Variants in RARB observed in about 807,000 individuals in gnomAD.
RARB encodes HBV-activated protein.
In RARB, 17 loss-of-function variants were observed where a neutral mutation model predicts 51.9. The ratio of observed to expected loss-of-function variants is 0.33; its 90% confidence interval spans 0.22 to 0.49. The LOEUF (loss-of-function observed/expected upper bound fraction) is 0.49, where lower values mean the gene tolerates loss of function less well. Among genes scored for constraint, RARB ranks in the 20% least tolerant of loss-of-function variants. The probability of loss-of-function intolerance (pLI) is 0.99; values close to 1 mark genes in which losing one functional copy is unlikely to be tolerated. For synonymous variants in RARB, 215 were observed against 195.4 expected (o/e 1.10, Z -0.84); for missense variants, 369 against 550.8 (o/e 0.67, Z 3.30).
chr3:24,868,251 T>C (rs1702886180), intron 2 of RARB, among the ~76,000 whole-genome samples: 2 of 152,138 alleles, frequency 1.3e-5, no homozygotes. Context: ...ATCTAGGTTT[T>C]AGAGATCAAA....
intron 2 of RARB, among the ~76,000 whole-genome samples, chr3:24,958,267 T>TTTTTG (rs1696064620): frequency 8.2e-6 from 1 of 121,626 alleles, no homozygotes. Flanking sequence ...TTTTTTTTTT[T>TTTTTG]TTTTTTTTTT....
chr3:24,938,981 T>G (rs1361320026), intron 2 of RARB, among the ~76,000 whole-genome samples: 1 of 148,436 alleles, frequency 6.7e-6, no homozygotes, highest in South Asian at 2.1e-4. Context: ...CATTTAGTTT[T>G]TTGTTGTTGT....
At chr3:25,492,289 C>T (rs986576104) in intron 2 of RARB, among the ~76,000 whole-genome samples, 7 of 152,204 alleles carry the variant, frequency 4.6e-5, no homozygotes, top group African/African-American at 1.7e-4. Context: ...GATATATTTT[C>T]ACCTAAATTA....
At chr3:24,836,149 T>A (rs1258551312) in intron 1 of RARB, among the ~76,000 whole-genome samples, 1 of 152,050 alleles carries the variant, frequency 6.6e-6, no homozygotes, top group African/African-American at 2.4e-5. Context: ...AGAAGAGAAA[T>A]AAGATAGCAT....
chr3:24,893,799 A>T (rs1008847068), intron 2 of RARB, among the ~76,000 whole-genome samples: 19 of 152,122 alleles, frequency 1.2e-4, no homozygotes, highest in African/African-American at 4.6e-4. Context: ...TACTGGGATT[A>T]CAGGCGTGAG....
chr3:24,861,738 G>T (rs7651101), intron 2 of RARB, among the ~76,000 whole-genome samples: 8 of 151,996 alleles, frequency 5.3e-5, no homozygotes, highest in African/African-American at 1.9e-4. Context: ...CATTCAAGCT[G>T]CAGTGATATC....
At chr3:25,420,724 G>C (rs933179557) in intron 5 of RARB, among the ~76,000 whole-genome samples, 1 of 152,084 alleles carries the variant, frequency 6.6e-6, no homozygotes, top group African/African-American at 2.4e-5. Context: ...TGAATGGATG[G>C]GTGGATAGGT....
At chr3:25,081,451 C>A (rs1241094805) in intron 3 of RARB, among the ~76,000 whole-genome samples, 1 of 149,894 alleles carries the variant, frequency 6.7e-6, no homozygotes, top group African/African-American at 2.4e-5. Flanking sequence ...TAGTGCTGTT[C>A]AAATATTCTA....
At position 24,840,876 on chromosome 3, in the gene RARB, T is replaced by A. The variant is rs1238655137; in HGVS notation, c.-459+11473T>A. On this transcript the variant is annotated intron_variant, in intron 1 of 11. Coordinates refer to the RARB transcript ENST00000383772. ...TCTATCCTTTTCCAGATATACTAGA[T>A]GTAGGGGCTAAAAACAAAAGAAACA... Among the ~76,000 whole-genome samples the A allele has an allele frequency of 2.0e-5, 3 of 150,540 alleles. No individual in the cohort carries two copies. The Admixed American group carries it at 2.0e-4, about 10-fold the overall frequency.
At chr3:25,455,249 G>T (rs1470966020) in intron 1 of RARB, among the ~76,000 whole-genome samples, 1 of 152,118 alleles carries the variant, frequency 6.6e-6, no homozygotes, top group Non-Finnish European at 1.5e-5. Flanking sequence ...TTGTGCTTTG[G>T]ACGTCGTTGT....
At chr3:25,079,695 A>T (rs992074293) in intron 3 of RARB, among the ~76,000 whole-genome samples, 11 of 152,130 alleles carry the variant, frequency 7.2e-5, no homozygotes, top group South Asian at 6.2e-4. Flanking sequence ...ATTAATTTTT[A>T]AAAAATATAT....
intron 5 of RARB, among the ~76,000 whole-genome samples, chr3:25,310,086 GT>G (rs1232940324): frequency 6.6e-6 from 1 of 152,170 alleles, no homozygotes; most frequent in African/African-American, 2.4e-5. Flanking sequence ...TGAATTTGGA[GT>G]GAAAATGATG....
intron 5 of RARB, among the ~76,000 whole-genome samples, chr3:25,247,919 C>G (rs185718412): frequency 6.6e-6 from 1 of 152,112 alleles, no homozygotes; most frequent in African/African-American, 2.4e-5. Flanking sequence ...CAGTTTAAAT[C>G]TAGTATTTCT....
intron 4 of RARB, among the ~76,000 whole-genome samples, chr3:25,574,291 C>G (rs920058426): frequency 2.6e-5 from 4 of 152,308 alleles, no homozygotes; most frequent in Non-Finnish European, 5.9e-5. Flanking sequence ...ATTTGCACCT[C>G]AGCTCCTTCA....
intron 2 of RARB, among the ~76,000 whole-genome samples, chr3:24,957,613 T>C (rs1696044526): frequency 5.3e-5 from 8 of 152,242 alleles, no homozygotes. Flanking sequence ...TCCAGATGCT[T>C]TGAGCCTTAA....
chr3:25,263,798 T>G (rs1393265811), intron 5 of RARB, among the ~76,000 whole-genome samples: 1 of 152,102 alleles, frequency 6.6e-6, no homozygotes, highest in African/African-American at 2.4e-5. Context: ...AAATCTGCAG[T>G]TGCTTACAGC....
At chr3:25,291,662 T>C (rs1180551154) in intron 5 of RARB, among the ~76,000 whole-genome samples, 2 of 152,048 alleles carry the variant, frequency 1.3e-5, no homozygotes, top group East Asian at 1.9e-4. Flanking sequence ...TTTTGTAAGT[T>C]GGTTAATAGG....
chr3:25,147,295 G>C (rs573356288), intron 4 of RARB, among the ~76,000 whole-genome samples: 1 of 152,064 alleles, frequency 6.6e-6, no homozygotes, highest in South Asian at 2.1e-4. Flanking sequence ...TTGTTCTACC[G>C]GTTCTTCCCA....
At chr3:24,952,916 C>T (rs551100110) in intron 2 of RARB, among the ~76,000 whole-genome samples, 84 of 151,816 alleles carry the variant, frequency 5.5e-4, no homozygotes, top group African/African-American at 1.9e-3. Flanking sequence ...TTTCTTTTGC[C>T]TCAGAAGCTG....
Sources: gnomAD v4.1 joint callset for allele counts (sites outside exome capture counted in the v4.1 genomes callset) on GRCh38, gnomAD v4.1.1 for gene constraint, MANE v1.5 for transcripts, NCBI Gene and HGNC (gene_info 2026-07-23, HGNC 2026-07-21) for gene names.